The following CENPP variants were observed in gnomAD, a reference collection of about 807,000 sequenced individuals.
CENPP encodes the protein centromere protein P.
A neutral mutation model predicts 35.6 loss-of-function variants in CENPP; 24 were observed. The observed-to-expected ratio is 0.67, with a 90% CI of 0.49 to 0.95. The LOEUF is 0.95. CENPP is among the 40% of genes least tolerant of loss of function. The probability of loss-of-function intolerance (pLI) is 0.00; values close to 1 mark genes in which losing one functional copy is unlikely to be tolerated. For synonymous variants in CENPP, 120 were observed against 125.5 expected, an observed-to-expected ratio of 0.96 and a Z score of 0.29; for missense variants, 332 against 345.3, an observed-to-expected ratio of 0.96 and a Z score of 0.31.
intron 5 of CENPP, among the ~76,000 whole-genome samples, chr9:92,507,842 A>G (rs1209578837): frequency 4.0e-5 from 6 of 151,842 alleles, no homozygotes; most frequent in Non-Finnish European, 7.4e-5. Flanking sequence ...TCTCAGGTGG[A>G]CTCTGCTCCT....
At chr9:92,373,362 G>A (rs963623922) in intron 4 of CENPP, among the ~76,000 whole-genome samples, 2 of 151,994 alleles carry the variant, frequency 1.3e-5, no homozygotes, top group African/African-American at 4.8e-5. Flanking sequence ...TATTGTTGAA[G>A]CTTTCAAATG....
chr9:92,389,253 C>G (rs1842568327), intron 5 of CENPP, among the ~76,000 whole-genome samples: 2 of 152,144 alleles, frequency 1.3e-5, no homozygotes, highest in South Asian at 4.1e-4. Context: ...CATTTTGAGA[C>G]AAATTGTCTA....
At chr9:92,459,390 C>T (rs1845009783) in intron 5 of CENPP, among the ~76,000 whole-genome samples, 1 of 152,266 alleles carries the variant, frequency 6.6e-6, no homozygotes, top group African/African-American at 2.4e-5. Context: ...GCAATGTCCT[C>T]AGCAGTTTCA....
rs1851359714 is a variant in CENPP, at chr9:92,614,189, A to G, written c.*1040A>G. ...GGGAGCCCAGCCCACCTTCCCACGG[A>G]CTGGGGTTCCCTCACATGTGCACTT... is the stretch of plus-strand genomic sequence containing the variant. On this transcript the variant is annotated 3_prime_UTR_variant, in exon 8 of 8. Transcript: ENST00000375587. 1 of 152,464 alleles carries G rather than the reference A, an allele frequency of 6.6e-6. No homozygotes were observed. Among genetic ancestry groups the G allele is most frequent in the South Asian group, 2.1e-4 (1 of 4,836 alleles). 9.4% of individuals were successfully genotyped at this position (152,464 alleles called of 1,614,324 possible).
rs373120067 is a variant in CENPP at position 92,499,429 on chromosome 9, T to C, written c.565-111885T>C. Among the ~76,000 whole-genome samples the C allele has an allele frequency of 1.1e-4, 17 of 152,206 alleles. No homozygotes were observed. In the East Asian group the frequency reaches 2.7e-3, roughly 24 times the overall value. On this transcript the variant is annotated intron_variant, in intron 5 of 7. Transcript: ENST00000375587. ...GCATGGCAAAAATAGAAATTCATCATTTTGTTACCTCTAATGAAATAAGAA... is the reference window on the plus strand; with the variant it reads ...GCATGGCAAAAATAGAAATTCATCACTTTGTTACCTCTAATGAAATAAGAA...
chr9:92,567,382 A>ATC (rs1850010982), intron 5 of CENPP, among the ~76,000 whole-genome samples: 4 of 94,526 alleles, frequency 4.2e-5, no homozygotes, highest in Non-Finnish European at 8.3e-5. Flanking sequence ...AGATATATAT[A>ATC]TATATATATA....
chr9:92,555,612 G>A (rs1849708186), intron 5 of CENPP, among the ~76,000 whole-genome samples: 1 of 152,102 alleles, frequency 6.6e-6, no homozygotes, highest in South Asian at 2.1e-4. Flanking sequence ...TTATTTACAA[G>A]CTAGGAAGAT....
chr9:92,416,574 GA>G (rs768563024), intron 5 of CENPP: 1 of 1,178,794 alleles, frequency 8.5e-7, no homozygotes, highest in South Asian at 1.6e-5. Context: ...AAAAGATCAG[GA>G]TTCCATTCTT....
chr9:92,326,198 C>G, intron 1 of CENPP, 93 bp downstream of exon 1: 1 of 813,778 alleles, frequency 1.2e-6, no homozygotes, highest in Admixed American at 2.8e-5. Context: ...TCTCCTACTC[C>G]CAGCCCTAGA....
chr9:92,494,561 T>C (rs1170326894), intron 5 of CENPP, among the ~76,000 whole-genome samples: 8 of 152,222 alleles, frequency 5.3e-5, no homozygotes, highest in African/African-American at 1.9e-4. Flanking sequence ...TTGTTGTTCA[T>C]GTTATAATCT....
At chr9:92,415,108 A>G (rs745480492) in intron 5 of CENPP, 3 of 1,392,898 alleles carry the variant, frequency 2.2e-6, no homozygotes, top group Non-Finnish European at 2.9e-6. Context: ...TATATTAAGT[A>G]TAGGTTTTGT....
intron 5 of CENPP, among the ~76,000 whole-genome samples, chr9:92,458,054 A>G (rs1382627247): frequency 6.6e-6 from 1 of 152,208 alleles, no homozygotes; most frequent in Non-Finnish European, 1.5e-5. Flanking sequence ...TTGTAGAAAG[A>G]TCTATCAACA....
intron 5 of CENPP, among the ~76,000 whole-genome samples, chr9:92,545,467 G>A (rs1849414457): frequency 2.0e-5 from 3 of 152,214 alleles, no homozygotes; most frequent in South Asian, 4.1e-4. Flanking sequence ...TTTCTCGTCG[G>A]GCCTTAGCTG....
chr9:92,500,903 G>A, intron 5 of CENPP: 1 of 1,614,208 alleles, frequency 6.2e-7, no homozygotes, highest in Non-Finnish European at 8.5e-7. Context: ...ACAGGTACAA[G>A]TATTCCAGGC....
At chr9:92,543,471 CAAAAAAAAAAAAAAA>C (rs71362401) in intron 5 of CENPP, among the ~76,000 whole-genome samples, 3 of 44,524 alleles carry the variant, frequency 6.7e-5, no homozygotes, top group African/African-American at 9.4e-5. Flanking sequence ...AACCCTGTCT[CAAAAAAAAAAAAAAA>C]AAAAAAAAAA....
At chr9:92,417,222 T>A in intron 5 of CENPP, 1 of 1,614,042 alleles carries the variant, frequency 6.2e-7, no homozygotes. Context: ...TGAGTTGCAT[T>A]GATGAATGAA....
Position 92,611,373 on chromosome 9 carries a change from C to A in CENPP, c.624C>A (p.Ile208=). The change falls in exon 6 of 8, where the codon ATC becomes ATA. Residue 208 remains isoleucine, a synonymous_variant. Transcript: ENST00000375587. ...GGCCCTCCTCCTGCTCCATGGGGAT[C>A]CGCAGCGCCAGCCGGCCAGGGTGAG... ...SEGPSSCSMG[I]RSASRPGFEL... The A allele has an allele frequency of 6.2e-7, 1 of 1,613,362 alleles. No individual in the cohort carries two copies. The highest frequency in any genetic ancestry group is 8.5e-7 in the Non-Finnish European group (1 of 1,179,954).
chr9:92,417,295 A>G (rs199788454), intron 5 of CENPP: 187 of 1,614,068 alleles, frequency 1.2e-4, no homozygotes, highest in South Asian at 8.3e-4. Context: ...GCATCGGAAT[A>G]TTTGGGATAG....
intron 5 of CENPP, among the ~76,000 whole-genome samples, chr9:92,588,154 AAT>A (rs141153223): frequency 0.04 from 6,039 of 152,164 alleles, 181 homozygotes; most frequent in South Asian, 0.098. Context: ...AATAAAATAA[AAT>A]AGTTACTTTT....
Sources: allele counts gnomAD v4.1 joint callset (sites outside exome capture counted in the v4.1 genomes callset), GRCh38; gene constraint gnomAD v4.1.1; transcripts MANE v1.5; gene names NCBI Gene and HGNC (gene_info 2026-07-23, HGNC 2026-07-21).